AGBL2: variants seen among roughly 807,000 people sequenced by gnomAD.
AGBL2 encodes cytosolic carboxypeptidase 2.
A neutral mutation model predicts 103.0 loss-of-function variants in AGBL2; 87 were observed. The ratio of observed to expected loss-of-function variants is 0.84; its 90% confidence interval spans 0.71 to 1.01. AGBL2 has a LOEUF of 1.01. Among genes scored for constraint, AGBL2 ranks in the 50% least tolerant of loss-of-function variants. AGBL2 has a pLI of 0.00. For synonymous variants in AGBL2, 335 were observed against 356.7 expected (o/e 0.94, Z 0.69); for missense variants, 904 against 1,023.5 (o/e 0.88, Z 1.59).
chr11:47,678,330 A>ATTATTTTTTTTTTTT (rs1565026506), intron 13 of AGBL2, among the ~76,000 whole-genome samples: 21 of 114,496 alleles, frequency 1.8e-4, no homozygotes, highest in South Asian at 8.1e-4. Context: ...ATTTTATTTT[A>ATTATTTTTTTTTTTT]TTTTATTATT....
chr11:47,699,424 T>C (rs1476526580), intron 8 of AGBL2, 22 bp downstream of exon 8: 1 of 1,188,954 alleles, frequency 8.4e-7, no homozygotes, highest in Non-Finnish European at 1.2e-6. Context: ...TAACCATTCA[T>C]TGTTCAGTGT....
At chr11:47,668,262 A>C (rs1313207566) in intron 15 of AGBL2, among the ~76,000 whole-genome samples, 1 of 148,268 alleles carries the variant, frequency 6.7e-6, no homozygotes. Flanking sequence ...TATTCCCAGC[A>C]CTTTGGGAGG....
intron 11 of AGBL2, among the ~76,000 whole-genome samples, chr11:47,683,125 C>T (rs972898875): frequency 2.6e-5 from 4 of 152,082 alleles, no homozygotes; most frequent in South Asian, 2.1e-4. Flanking sequence ...AATCCCAGCA[C>T]TTTGGGAGGC....
chr11:47,686,691 T>G (rs529536900), intron 10 of AGBL2, among the ~76,000 whole-genome samples: 1 of 151,866 alleles, frequency 6.6e-6, no homozygotes, highest in Non-Finnish European at 1.5e-5. Flanking sequence ...CCGGGCACGG[T>G]GGCTCATGCC....
intron 18 of AGBL2, among the ~76,000 whole-genome samples, chr11:47,662,350 T>A (rs1297995310): frequency 6.6e-6 from 1 of 151,404 alleles, no homozygotes; most frequent in Non-Finnish European, 1.5e-5. Flanking sequence ...ATTTTTATAT[T>A]TTTAGTTGAG....
At chr11:47,675,979 C>CT (rs1011193003) in intron 14 of AGBL2, among the ~76,000 whole-genome samples, 5 of 152,002 alleles carry the variant, frequency 3.3e-5, no homozygotes, top group Non-Finnish European at 7.4e-5. Context: ...GCACTCCAGC[C>CT]TGGGTGGAGA....
At chr11:47,693,320 C>T (rs1007319798) in intron 8 of AGBL2, among the ~76,000 whole-genome samples, 1 of 152,132 alleles carries the variant, frequency 6.6e-6, no homozygotes, top group Admixed American at 6.6e-5. Flanking sequence ...CACCACCCTG[C>T]CCGGCTCATT....
At chr11:47,663,888 T>G (rs2097334357) in intron 17 of AGBL2, among the ~76,000 whole-genome samples, 1 of 143,380 alleles carries the variant, frequency 7.0e-6, no homozygotes, top group East Asian at 2.1e-4. Context: ...ACAGTATCAC[T>G]CTTGTCGCCC....
At chr11:47,696,034 A>AAAAAAAAAAAAAAAAT in intron 8 of AGBL2, among the ~76,000 whole-genome samples, 1 of 9,180 alleles carries the variant, frequency 1.1e-4, no homozygotes, top group Non-Finnish European at 3.2e-4. Flanking sequence ...AAAAAAAAAA[A>AAAAAAAAAAAAAAAAT]AAGAAAAAAA....
At chr11:47,667,981 G>T (rs1275825286) in intron 15 of AGBL2, among the ~76,000 whole-genome samples, 1 of 152,120 alleles carries the variant, frequency 6.6e-6, no homozygotes, top group African/African-American at 2.4e-5. Context: ...GGCTGAAGCG[G>T]GTGGATCACT....
At chr11:47,675,154 G>A (rs556774624) in intron 14 of AGBL2, among the ~76,000 whole-genome samples, 1 of 147,810 alleles carries the variant, frequency 6.8e-6, no homozygotes, top group African/African-American at 2.5e-5. Context: ...CCTCAGACTT[G>A]GACCTCTTCT....
At chr11:47,691,729 A>AAAAAATATATAT in intron 9 of AGBL2, among the ~76,000 whole-genome samples, 3 of 4,856 alleles carry the variant, frequency 6.2e-4, no homozygotes, top group African/African-American at 1.4e-3. Flanking sequence ...AAAAAAAAAA[A>AAAAAATATATAT]ATATATATAT....
At chr11:47,699,339 A>G in intron 8 of AGBL2, 107 bp downstream of exon 8, 1 of 603,570 alleles carries the variant, frequency 1.7e-6, no homozygotes, top group Non-Finnish European at 2.7e-6. Context: ...CCTGGAAAAG[A>G]GTTTACCACT....
Position 47,668,298 on chromosome 11 carries a change from G to C in AGBL2, c.2214+543C>G, listed in dbSNP as rs184855715. Among the ~76,000 whole-genome samples, 108 of 149,358 alleles carry C rather than the reference G, an allele frequency of 7.2e-4. 1 individual carries two copies. Among genetic ancestry groups the C allele is most frequent in the Admixed American group, 4.7e-3 (70 of 14,764 alleles). On this transcript the variant is annotated intron_variant, in intron 15 of 18. Coordinates refer to ENST00000525123, the MANE Select transcript of AGBL2 (RefSeq NM_024783.4). ...CCAAGGCGGGCAGATCACGAGGTCA[G>C]GAGTTTGAGACCAGGATGGCCAACC...
In AGBL2 at chr11:47,709,118, G is replaced by A. The variant is rs548234475; in HGVS notation, c.232+1259C>T. On this transcript the variant is annotated intron_variant, in intron 4 of 18. Transcript: ENST00000525123. ...GCCTGGGCGACAAGAGCGAGACTCCGTCTCAAAACAAAACAAAACAATATT... is the reference window on the plus strand; with the variant it reads ...GCCTGGGCGACAAGAGCGAGACTCCATCTCAAAACAAAACAAAACAATATT... Among the ~76,000 whole-genome samples, 10 of 152,222 alleles carry A rather than the reference G, an allele frequency of 6.6e-5. No homozygotes were observed. The South Asian group carries it at 1.5e-3, about 22-fold the overall frequency.
intron 8 of AGBL2, among the ~76,000 whole-genome samples, chr11:47,698,890 G>A (rs2097487134): frequency 6.7e-6 from 1 of 149,680 alleles, no homozygotes; most frequent in Non-Finnish European, 1.5e-5. Flanking sequence ...CTTCCATTAC[G>A]GCCTAACATA....
rs149494057 is a variant in AGBL2 at position 47,673,952 on chromosome 11, C to T, written c.2147+3319G>A. 8.0e-5 allele frequency among the ~76,000 whole-genome samples: 12 copies of T among 149,618 alleles called. No individual in the cohort carries two copies. The East Asian group carries it at 1.8e-3, about 23-fold the overall frequency. On this transcript the variant is annotated intron_variant, in intron 14 of 18. Coordinates refer to ENST00000525123, the MANE Select transcript of AGBL2 (RefSeq NM_024783.4). ...GCATCTCTACTAAAAATTAGCCAGC[C>T]GTGGTGGTGGGCACCTGTAATCCCA...
At chr11:47,710,853 C>A (rs1032520897) in intron 3 of AGBL2, 2 of 463,292 alleles carry the variant, frequency 4.3e-6, no homozygotes, top group African/African-American at 4.0e-5. Context: ...GTTGCTTGAG[C>A]CTGGGATGTG....
At chr11:47,695,581 C>G (rs2097466055) in intron 8 of AGBL2, among the ~76,000 whole-genome samples, 1 of 151,000 alleles carries the variant, frequency 6.6e-6, no homozygotes, top group Non-Finnish European at 1.5e-5. Flanking sequence ...TTGAGACCAG[C>G]CTGGGCAGCG....
Sources: allele counts gnomAD v4.1 joint callset (sites outside exome capture counted in the v4.1 genomes callset), GRCh38; gene constraint gnomAD v4.1.1; transcripts MANE v1.5; gene names NCBI Gene and HGNC (gene_info 2026-07-23, HGNC 2026-07-21).